SMG1: variants seen among roughly 807,000 people sequenced by gnomAD.
The protein encoded by SMG1 is SMG1 nonsense mediated mRNA decay associated PI3K related kinase.
A neutral mutation model predicts 419.9 loss-of-function variants in SMG1; 22 were observed. That is an observed-to-expected ratio of 0.05 (90% confidence interval 0.04 to 0.07). The LOEUF (loss-of-function observed/expected upper bound fraction) is 0.07. SMG1 is among the 10% of genes least tolerant of loss of function. The pLI, the probability that SMG1 is intolerant of heterozygous loss-of-function variation, is 1.00. For missense variants in SMG1, 3,185 were observed against 4,342.0 expected (o/e 0.73, Z 7.49); for synonymous variants, 1,538 against 1,553.5 (o/e 0.99, Z 0.23).
In SMG1 at chr16:18,836,514, T is replaced by C. The variant is rs1432569511; in HGVS notation, c.7623A>G (p.Gln2541=). The change falls in exon 47 of 63, where the codon CAA becomes CAG. Residue 2541 remains glutamine (Q), a synonymous_variant. Transcript: ENST00000446231. ...TLQHRYSEHT[Q]LQTQQRAVQE... ...GAACAGCTCTTTGCTGAGTCTGTAG[T>C]TGGGTGTGCTCAGAATACCTAATCA... The C allele has an allele frequency of 6.8e-6, 11 of 1,613,910 alleles. No homozygotes were observed. The highest frequency in any genetic ancestry group is 4.5e-5 in the East Asian group (2 of 44,886).
intron 1 of SMG1, chr16:18,900,118 T>C (rs2141875716): frequency 1.3e-6 from 1 of 755,050 alleles, no homozygotes. Flanking sequence ...GGAGCAAATA[T>C]CATTCATGAG....
chr16:18,829,202 T>G (rs2032986820), intron 54 of SMG1, 84 bp downstream of exon 54: 1 of 1,212,706 alleles, frequency 8.2e-7, no homozygotes, highest in East Asian at 2.5e-5. Context: ...TAAAAAAATT[T>G]CTGTGTATTG....
rs1255537565 is a variant in SMG1, at chr16:18,811,971, A to C, written c.10778T>G (p.Val3593Gly). The change falls in exon 61 of 63, where the codon GTC becomes GGC. Residue 3593 changes from valine to glycine, a missense_variant. Transcript: ENST00000446231. ...KSVACSPKKAVRDPKTGKAVQ... is the reference protein window; with the variant it reads ...KSVACSPKKAGRDPKTGKAVQ... ...ACCTTTCCCAGTTTTAGGGTCTCTG[A>C]CTGCCTTTTTAGGACTACAAGCAAC... 1.2e-6 allele frequency: 2 copies of C among 1,613,846 alleles called. No individual in the cohort carries two copies. Among genetic ancestry groups the C allele is most frequent in the South Asian group, 1.1e-5 (1 of 91,052 alleles).
rs188559863 is a variant in SMG1 at position 18,853,599 on chromosome 16, G to T, written c.4752C>A (p.Ile1584=). Residue 1584 remains isoleucine, a synonymous_variant, in exon 31 of 63, where the codon ATC becomes ATA. Coordinates refer to ENST00000446231, the MANE Select transcript of SMG1 (RefSeq NM_015092.5). ...VNTMEEEYPR[I]ESESTVHIGV... is the part of the protein sequence containing the mutation. The stretch of plus-strand genomic sequence containing the variant: ...CAACTCTACCTGTAGATTCACTCTC[G>T]ATCCGAGGATACTCTTCTTCCATCG... 1 of 1,599,592 alleles carries T rather than the reference G, an allele frequency of 6.3e-7. No homozygotes were observed. Among genetic ancestry groups the T allele is most frequent in the South Asian group, 1.1e-5 (1 of 89,042 alleles).
chr16:18,818,889 T>A (rs918900747), intron 56 of SMG1, among the ~76,000 whole-genome samples: 6 of 149,226 alleles, frequency 4.0e-5, no homozygotes, highest in Non-Finnish European at 8.9e-5. Flanking sequence ...CGATCTTGGA[T>A]CACTGGAACC....
rs147164394 is a variant in SMG1 at position 18,906,237 on chromosome 16, A to T, written c.93-9281T>A. Reference sequence around the variant, plus strand: ...GGTGGTTCACGCCTGTAATCCCTGCACTTTAGGAGGCCAAGGCGGTGGATC... The same window carrying T: ...GGTGGTTCACGCCTGTAATCCCTGCTCTTTAGGAGGCCAAGGCGGTGGATC... On this transcript the variant is annotated intron_variant, in intron 1 of 62. Coordinates refer to ENST00000446231, the MANE Select transcript of SMG1 (RefSeq NM_015092.5). 3.2e-4 allele frequency among the ~76,000 whole-genome samples: 48 copies of T among 152,270 alleles called. 1 individual carries two copies. The highest frequency in any genetic ancestry group is 3.4e-3 in the Middle Eastern group (1 of 294).
At chr16:18,816,921 T>C (rs1205588966) in intron 57 of SMG1, among the ~76,000 whole-genome samples, 1 of 152,198 alleles carries the variant, frequency 6.6e-6, no homozygotes, top group Non-Finnish European at 1.5e-5. Context: ...TTGCTATTTC[T>C]GGCCTTCACT....
intron 22 of SMG1, among the ~76,000 whole-genome samples, chr16:18,867,453 G>A (rs2141557109): frequency 6.6e-6 from 1 of 151,770 alleles, no homozygotes; most frequent in East Asian, 2.0e-4. Context: ...GAACCTGAGA[G>A]GCAGAGGTTA....
Position 18,819,539 on chromosome 16 carries a change from C to T in SMG1, c.9857G>A (p.Arg3286Lys), listed in dbSNP as rs773225439. 6.2e-7 allele frequency: 1 copy of T among 1,608,610 alleles called. No homozygotes were observed. Among genetic ancestry groups the T allele is most frequent in the Non-Finnish European group, 8.5e-7 (1 of 1,177,240 alleles). Residue 3286 changes from arginine to lysine, a missense_variant, in exon 56 of 63, where the codon AGA (arginine) becomes AAA (lysine). Arg to Lys is a conservative substitution (Grantham distance 26, BLOSUM62 2). This residue lies in a region of SMG1 where 737 missense variants were observed against 846.6 expected (regional missense o/e 0.87). Coordinates refer to ENST00000446231, the MANE Select transcript of SMG1 (RefSeq NM_015092.5). ...TTGGCTCTCTTTAAGGACAAGATTT[C>T]TTCTTTCAGCTATCGTTGCTTCAAA... ...QDFEATIAER[R>K]NLVLKESQRA... is the part of the protein sequence containing the mutation.
intron 41 of SMG1, among the ~76,000 whole-genome samples, chr16:18,840,253 G>C (rs1300445750): frequency 6.6e-6 from 1 of 152,096 alleles, no homozygotes; most frequent in African/African-American, 2.4e-5. Flanking sequence ...ACAGAATTCA[G>C]TTTTAAAATT....
At chr16:18,914,443 C>T (rs1459171312) in intron 1 of SMG1, among the ~76,000 whole-genome samples, 2 of 151,790 alleles carry the variant, frequency 1.3e-5, no homozygotes, top group Admixed American at 6.6e-5. Context: ...TTGGGATTTA[C>T]AAAATGGGAT....
intron 47 of SMG1, 73 bp from the exon 48 acceptor site, chr16:18,836,285 C>T: frequency 6.3e-7 from 1 of 1,590,130 alleles, no homozygotes; most frequent in Non-Finnish European, 8.6e-7. Flanking sequence ...AAGCACAAAC[C>T]AGGACCCCAC....
Position 18,863,943 on chromosome 16 carries a change from C to T in SMG1, c.3493+59G>A, listed in dbSNP as rs972775670. Reference sequence around the variant, plus strand: ...GAAACCTAAAAACATAAAATAAGATCATCAGTACGAAATATATTACTATAA... The same window carrying T: ...GAAACCTAAAAACATAAAATAAGATTATCAGTACGAAATATATTACTATAA... On this transcript the variant is annotated intron_variant, in intron 24 of 62. Transcript: ENST00000446231. 2.6e-6 allele frequency: 4 copies of T among 1,553,550 alleles called. No individual in the cohort carries two copies. The African/African-American group carries it at 4.1e-5, about 16-fold the overall frequency.
At position 18,812,032 on chromosome 16, in the gene SMG1, T is replaced by A; in HGVS notation, c.10717A>T (p.Thr3573Ser). ...IQKNLATSAD[T>S]PPSTVPGTGK... ...GTTCCTGGAACGGTGCTTGGTGGAG[T>A]ATCAGCTGATGTAGCAAGATTTTTT... The change falls in exon 61 of 63, where the codon ACT (threonine) becomes TCT (serine). Residue 3573 changes from threonine to serine, a missense_variant. Around this residue, in one of 27 missense-constraint regions of SMG1, gnomAD observed 737 missense variants for 846.6 expected, o/e 0.87. Transcript: ENST00000446231. The A allele has an allele frequency of 1.2e-6, 2 of 1,613,922 alleles. No homozygotes were observed. Among genetic ancestry groups the A allele is most frequent in the Non-Finnish European group, 8.5e-7 (1 of 1,179,866 alleles).
intron 1 of SMG1, among the ~76,000 whole-genome samples, chr16:18,903,314 T>A (rs1342284926): frequency 6.6e-6 from 1 of 152,206 alleles, no homozygotes; most frequent in South Asian, 2.1e-4. Context: ...TTGTTTTACA[T>A]GCATAATTGT....
At chr16:18,881,675 TG>T (rs1384205186) in intron 10 of SMG1, among the ~76,000 whole-genome samples, 1 of 152,174 alleles carries the variant, frequency 6.6e-6, no homozygotes, top group East Asian at 1.9e-4. Flanking sequence ...TTGAGGCTGC[TG>T]AAGTGTGGCA....
At chr16:18,836,268 T>A in intron 47 of SMG1, 56 bp from the exon 48 acceptor site, 1 of 1,591,972 alleles carries the variant, frequency 6.3e-7, no homozygotes, top group Non-Finnish European at 8.6e-7. Flanking sequence ...CAGCTGTCAC[T>A]AAAAGCAAGC....
chr16:18,836,608 G>A, intron 46 of SMG1, 76 bp from the exon 47 acceptor site: 2 of 1,453,036 alleles, frequency 1.4e-6, no homozygotes, highest in Non-Finnish European at 1.9e-6. Context: ...CCTGGAATGT[G>A]CTCACACATG....
intron 25 of SMG1, among the ~76,000 whole-genome samples, chr16:18,862,740 G>A (rs1259793841): frequency 6.6e-6 from 1 of 152,130 alleles, no homozygotes; most frequent in African/African-American, 2.4e-5. Context: ...GAAATTTTCA[G>A]TCTTACTAGA....
Sources: allele counts gnomAD v4.1 joint callset (sites outside exome capture counted in the v4.1 genomes callset), GRCh38; gene constraint gnomAD v4.1.1; regional missense constraint gnomAD v4.1.1; transcripts MANE v1.5; gene names NCBI Gene and HGNC (gene_info 2026-07-23, HGNC 2026-07-21).